The following MAP3K15 variants were observed in gnomAD, a reference collection of about 807,000 sequenced individuals.
MAP3K15 encodes the protein mitogen-activated protein kinase kinase kinase 15.
A neutral mutation model predicts 99.5 loss-of-function variants in MAP3K15; 124 were observed. The observed-to-expected ratio is 1.25, with a 90% CI of 1.08 to 1.45. The LOEUF is 1.45. MAP3K15 is among the 40% of genes most tolerant of loss of function. The pLI, the probability that MAP3K15 is intolerant of heterozygous loss-of-function variation, is 0.00. For synonymous variants in MAP3K15, 494 were observed against 439.6 expected (o/e 1.12, Z -1.55); for missense variants, 1,242 against 1,079.7 (o/e 1.15, Z -2.11).
At chrX:19,485,296 G>A (rs1403783001) in intron 3 of MAP3K15, among the ~76,000 whole-genome samples, 7 of 73,760 alleles carry the variant, frequency 9.5e-5, no homozygotes, top group Non-Finnish European at 1.4e-4. Flanking sequence ...CTGACAGAGC[G>A]AGACTCTGTC....
intron 1 of MAP3K15, among the ~76,000 whole-genome samples, chrX:19,498,084 A>G (rs1156773835): frequency 1.8e-5 from 2 of 112,256 alleles, no homozygotes; most frequent in African/African-American, 6.5e-5. Flanking sequence ...ATGGAAATGT[A>G]TACTGATCGA....
At chrX:19,422,240 T>G (rs866313122) in intron 9 of MAP3K15, among the ~76,000 whole-genome samples, 3,008 of 110,462 alleles carry the variant, frequency 0.027, 73 homozygotes, top group African/African-American at 0.073. Flanking sequence ...AGAGTGAACA[T>G]GCAACCTACA....
At chrX:19,453,210 C>A (rs1294634510) in intron 6 of MAP3K15, among the ~76,000 whole-genome samples, 1 of 111,206 alleles carries the variant, frequency 9.0e-6, no homozygotes, top group Non-Finnish European at 1.9e-5. Flanking sequence ...ACAATAAACA[C>A]CAAACCAAGG....
intron 6 of MAP3K15, among the ~76,000 whole-genome samples, chrX:19,441,770 T>C (rs749772323): frequency 5.2e-4 from 58 of 112,067 alleles, no homozygotes; most frequent in African/African-American, 1.9e-3. Flanking sequence ...AATGGGTTAA[T>C]TGTATGGTAT....
chrX:19,484,934 G>A (rs1034170594), intron 3 of MAP3K15, among the ~76,000 whole-genome samples: 8 of 111,566 alleles, frequency 7.2e-5, no homozygotes, highest in African/African-American at 2.6e-4. Context: ...TAGAGACAGG[G>A]CTGCGGCTAC....
intron 1 of MAP3K15, among the ~76,000 whole-genome samples, chrX:19,507,662 T>A (rs771623080): frequency 1.0e-5 from 1 of 98,058 alleles, no homozygotes; most frequent in Admixed American, 1.2e-4. Context: ...TTCAAGTGAG[T>A]ATGATGTGTC....
intron 6 of MAP3K15, among the ~76,000 whole-genome samples, chrX:19,435,951 C>G (rs1452376707): frequency 9.0e-6 from 1 of 111,395 alleles, no homozygotes; most frequent in African/African-American, 3.3e-5. Flanking sequence ...GTCAGGAGTT[C>G]GAGACCAGCC....
At chrX:19,436,543 C>T (rs1193895308) in intron 6 of MAP3K15, among the ~76,000 whole-genome samples, 1 of 111,537 alleles carries the variant, frequency 9.0e-6, no homozygotes, top group Non-Finnish European at 1.9e-5. Context: ...TTCAAACCAT[C>T]CATATTTTGA....
intron 7 of MAP3K15, 26 bp downstream of exon 7, chrX:19,431,412 G>A (rs774025223): frequency 8.4e-7 from 1 of 1,189,959 alleles, no homozygotes; most frequent in South Asian, 1.8e-5. Context: ...AGATGCAAGT[G>A]CTCATAACTC....
At chrX:19,361,618 A>T (rs1463513229) in intron 26 of MAP3K15, 25 bp from the exon 27 acceptor site, 1 of 1,048,946 alleles carries the variant, frequency 9.5e-7, no homozygotes, top group African/African-American at 1.9e-5. Context: ...AATTTGTTAT[A>T]TATTAGTCTA....
chrX:19,469,635 T>G (rs1400362527), intron 3 of MAP3K15, among the ~76,000 whole-genome samples: 2 of 110,544 alleles, frequency 1.8e-5, no homozygotes, highest in Non-Finnish European at 3.8e-5. Context: ...GGGAGAAAAT[T>G]TTTGCAATCT....
chrX:19,451,798 T>C (rs1306078803), intron 6 of MAP3K15, among the ~76,000 whole-genome samples: 1 of 109,989 alleles, frequency 9.1e-6, no homozygotes, highest in African/African-American at 3.3e-5. Flanking sequence ...GCATGGTGGT[T>C]CATGCCTGTA....
chrX:19,417,717 G>A (rs1212915508), intron 9 of MAP3K15, among the ~76,000 whole-genome samples: 3 of 111,849 alleles, frequency 2.7e-5, no homozygotes, highest in Non-Finnish European at 3.8e-5. Context: ...CACGCAGCTC[G>A]AGATCTGAGA....
chrX:19,373,731 T>C (rs779983930), intron 20 of MAP3K15, 36 bp from the exon 21 acceptor site: 1 of 1,179,170 alleles, frequency 8.5e-7, no homozygotes, highest in Non-Finnish European at 1.1e-6. Context: ...ATGGGGAGAC[T>C]CAGAGAGGGA....
intron 6 of MAP3K15, among the ~76,000 whole-genome samples, chrX:19,434,891 A>G (rs1432422859): frequency 8.9e-6 from 1 of 111,828 alleles, no homozygotes; most frequent in Non-Finnish European, 1.9e-5. Flanking sequence ...TTAAGCCTGT[A>G]TTTTGACTCG....
rs143924004 is a variant in MAP3K15 at position 19,374,116 on chromosome X, C to T, written c.2773+361G>A. 3.3e-3 allele frequency among the ~76,000 whole-genome samples: 366 copies of T among 111,066 alleles called. 2 individuals carry two copies. The highest frequency in any genetic ancestry group is 0.011 in the African/African-American group (321 of 30,536). ...TCAGGGTTGGCACACGATGACAAGC[C>T]AGGCTCCAAAACTGAAGCCCCAGGC... On this transcript the variant is annotated intron_variant, in intron 20 of 28. Transcript: ENST00000338883.
intron 6 of MAP3K15, among the ~76,000 whole-genome samples, chrX:19,443,750 A>G (rs2063976496): frequency 9.0e-6 from 1 of 111,133 alleles, no homozygotes; most frequent in Non-Finnish European, 1.9e-5. Context: ...GCTAGAGAGG[A>G]GCAAACCGGG....
At chrX:19,388,870 CAA>C (rs1212573119) in intron 18 of MAP3K15, among the ~76,000 whole-genome samples, 1 of 111,611 alleles carries the variant, frequency 9.0e-6, no homozygotes, top group Non-Finnish European at 1.9e-5. Flanking sequence ...TCGCAGTGGC[CAA>C]AAAGTAGAAA....
chrX:19,375,398 G>C (rs978212192), intron 19 of MAP3K15, among the ~76,000 whole-genome samples: 1 of 111,808 alleles, frequency 8.9e-6, no homozygotes, highest in African/African-American at 3.3e-5. Context: ...AAACCTTGAG[G>C]CTGCCAATGT....
Sources: gnomAD v4.1 joint callset for allele counts (sites outside exome capture counted in the v4.1 genomes callset) on GRCh38, gnomAD v4.1.1 for gene constraint, MANE v1.5 for transcripts, NCBI Gene and HGNC (gene_info 2026-07-23, HGNC 2026-07-21) for gene names.